TFDP2: variants seen among roughly 807,000 people sequenced by gnomAD.
The protein encoded by TFDP2 is transcription factor Dp-2.
TFDP2 carries 17 observed loss-of-function variants against 59.3 expected under a neutral mutation model. The observed-to-expected ratio is 0.29, with a 90% confidence interval of 0.20 to 0.43. The LOEUF is 0.43. Among genes scored for constraint, TFDP2 ranks in the 20% least tolerant of loss-of-function variants. The pLI is 1.00. For missense variants in TFDP2, 391 were observed against 528.8 expected, an observed-to-expected ratio of 0.74 and a Z score of 2.56; for synonymous variants, 180 against 194.7, an observed-to-expected ratio of 0.92 and a Z score of 0.63.
intron 3 of TFDP2, among the ~76,000 whole-genome samples, chr3:142,062,295 A>G (rs2059941962): frequency 6.6e-6 from 1 of 151,618 alleles, no homozygotes; most frequent in Non-Finnish European, 1.5e-5. Flanking sequence ...CAGTAGTTAA[A>G]ATTATACACA....
chr3:141,966,676 T>C (rs976673046), intron 9 of TFDP2, among the ~76,000 whole-genome samples: 3 of 151,738 alleles, frequency 2.0e-5, no homozygotes, highest in Non-Finnish European at 4.4e-5. Flanking sequence ...TTCATTTTCC[T>C]ATGCGTTTAT....
rs1036102654 is a variant in TFDP2, at chr3:142,149,248, C to G, written c.-158G>C. On this transcript the variant is annotated 5_prime_UTR_variant, in exon 1 of 13. Coordinates refer to ENST00000489671, the MANE Select transcript of TFDP2 (RefSeq NM_001178139.2). ...TCGGGCCGAGCCAGGAGCGCGTCTTCGGGCGCCGCCGCTTCTGTGGCGCCC... is the reference window on the plus strand; with the variant it reads ...TCGGGCCGAGCCAGGAGCGCGTCTTGGGGCGCCGCCGCTTCTGTGGCGCCC... The G allele has an allele frequency of 5.0e-5, 20 of 397,312 alleles. No individual in the cohort carries two copies. Among genetic ancestry groups the G allele is most frequent in the Middle Eastern group, 6.3e-4 (1 of 1,584 alleles). The allele number at this position is 397,312 out of a possible 1,614,324, so 24.6% of individuals were successfully genotyped here.
At chr3:142,112,358 A>T (rs2061693110) in intron 1 of TFDP2, among the ~76,000 whole-genome samples, 1 of 152,162 alleles carries the variant, frequency 6.6e-6, no homozygotes, top group Admixed American at 6.5e-5. Flanking sequence ...AAATAAGAAA[A>T]ACAAAAAAAA....
At chr3:142,026,122 G>A (rs1254277918) in intron 3 of TFDP2, among the ~76,000 whole-genome samples, 5 of 152,128 alleles carry the variant, frequency 3.3e-5, no homozygotes, top group African/African-American at 9.7e-5. Context: ...CCATCAGGCC[G>A]AGGTGGGCAG....
intron 1 of TFDP2, among the ~76,000 whole-genome samples, chr3:142,138,217 G>A (rs948718897): frequency 3.9e-5 from 6 of 152,144 alleles, no homozygotes; most frequent in African/African-American, 1.2e-4. Context: ...GATTGGTGGT[G>A]ATATCCCCTT....
intron 3 of TFDP2, among the ~76,000 whole-genome samples, chr3:142,010,463 G>C (rs1265621699): frequency 1.3e-5 from 2 of 152,052 alleles, no homozygotes; most frequent in African/African-American, 2.4e-5. Flanking sequence ...ACAAAAATCA[G>C]CTGGGCATGG....
intron 1 of TFDP2, among the ~76,000 whole-genome samples, chr3:142,107,149 G>A (rs540396615): frequency 1.3e-5 from 2 of 152,076 alleles, no homozygotes; most frequent in East Asian, 3.9e-4. Context: ...ATAACTTATT[G>A]GCATAAATCC....
At chr3:142,083,374 G>A (rs1192409095) in intron 3 of TFDP2, among the ~76,000 whole-genome samples, 1 of 152,040 alleles carries the variant, frequency 6.6e-6, no homozygotes, top group African/African-American at 2.4e-5. Flanking sequence ...AAAATGGAAA[G>A]GTATTCCATA....
chr3:142,034,638 T>C (rs1421007691), intron 3 of TFDP2, among the ~76,000 whole-genome samples: 2 of 152,012 alleles, frequency 1.3e-5, no homozygotes, highest in Non-Finnish European at 2.9e-5. Flanking sequence ...GTGCTTATGC[T>C]CCATAGCCTT....
At chr3:141,979,275 A>G (rs1941169790) in intron 6 of TFDP2, among the ~76,000 whole-genome samples, 1 of 152,230 alleles carries the variant, frequency 6.6e-6, no homozygotes, top group South Asian at 2.1e-4. Flanking sequence ...ATAAAAGTCT[A>G]GCACATGCAA....
chr3:141,982,884 A>G (rs1039093839), intron 6 of TFDP2, among the ~76,000 whole-genome samples: 4 of 152,242 alleles, frequency 2.6e-5, no homozygotes, highest in African/African-American at 9.6e-5. Context: ...TTAGTAAACT[A>G]TCAGATACAT....
At position 141,952,383 on chromosome 3, in the gene TFDP2, G is replaced by T; in HGVS notation, c.*130C>A. The T allele has an allele frequency of 1.2e-6, 1 of 822,642 alleles. No individual in the cohort carries two copies. Among genetic ancestry groups the T allele is most frequent in the South Asian group, 2.3e-5 (1 of 43,734 alleles). The allele number at this position is 822,642 out of a possible 1,614,324, so 51.0% of individuals were successfully genotyped here. A position where few individuals can be genotyped will look rare whatever the true frequency, so the allele number is the denominator to read the frequency against. Reference sequence around the variant, plus strand: ...AGCCTTCATGTGATTTGCTTATTGTGTTTCTCTAGTTTTCACTGAACACAC... The same window carrying T: ...AGCCTTCATGTGATTTGCTTATTGTTTTTCTCTAGTTTTCACTGAACACAC... On this transcript the variant is annotated 3_prime_UTR_variant, in exon 13 of 13. Transcript: ENST00000489671.
rs1007637377 is a variant in TFDP2 at position 141,963,741 on chromosome 3, T to C, written c.884+71A>G. 12 of 1,519,446 alleles carry C rather than the reference T, an allele frequency of 7.9e-6. No individual in the cohort carries two copies. In the East Asian group the frequency reaches 2.8e-4, roughly 35 times the overall value. 94.1% of individuals were successfully genotyped at this position (1,519,446 alleles called of 1,614,324 possible). A position where few individuals can be genotyped will look rare whatever the true frequency, so the allele number is the denominator to read the frequency against. ...GTGCAACTAATAAAGTGCATCCTTC[T>C]TGAGTTTGCAAATGATATGAAAATG... On this transcript the variant is annotated intron_variant, in intron 10 of 12. Transcript: ENST00000489671.
rs1940693996 is a variant in TFDP2, at chr3:141,976,726, GGCTTGC to G, written c.519+1788_519+1793del. Among the ~76,000 whole-genome samples, 3 of 152,034 alleles carry G rather than the reference GGCTTGC, an allele frequency of 2.0e-5. No individual in the cohort carries two copies. The South Asian group carries it at 6.2e-4, about 32-fold the overall frequency. ...GTAATGGTGGGCAAGCTCACAAAGGGGCTTGCAGATCATTGTGAGAACCATGGCTTT... is the reference window on the plus strand; with the variant it reads ...GTAATGGTGGGCAAGCTCACAAAGGGAGATCATTGTGAGAACCATGGCTTT... On this transcript the variant is annotated intron_variant, in intron 7 of 12. Transcript: ENST00000489671.
intron 1 of TFDP2, among the ~76,000 whole-genome samples, chr3:142,118,604 TATTAA>T (rs1249602043): frequency 6.6e-6 from 1 of 152,120 alleles, no homozygotes; most frequent in Non-Finnish European, 1.5e-5. Flanking sequence ...AAAGTTAAAT[TATTAA>T]ATTATTTTTT....
chr3:142,147,189 T>G (rs565436423), intron 1 of TFDP2, among the ~76,000 whole-genome samples: 23 of 152,292 alleles, frequency 1.5e-4, no homozygotes, highest in Non-Finnish European at 3.1e-4. Flanking sequence ...CAAGCCTACT[T>G]TCATATCTAT....
At chr3:141,987,513 G>C (rs1456117562) in intron 6 of TFDP2, among the ~76,000 whole-genome samples, 1 of 148,128 alleles carries the variant, frequency 6.8e-6, no homozygotes, top group East Asian at 2.1e-4. Context: ...GAACTCCTGA[G>C]CTCAGGCGAT....
chr3:142,066,480 C>T (rs2060077972), intron 3 of TFDP2, among the ~76,000 whole-genome samples: 1 of 152,184 alleles, frequency 6.6e-6, no homozygotes. Context: ...TCATCTACCA[C>T]AAAGCCTATT....
chr3:142,134,780 G>A (rs907676816), intron 1 of TFDP2, among the ~76,000 whole-genome samples: 6 of 151,880 alleles, frequency 4.0e-5, no homozygotes, highest in African/African-American at 1.4e-4. Flanking sequence ...GACAAACCTA[G>A]ATACATAGTC....
Sources: allele counts gnomAD v4.1 joint callset (sites outside exome capture counted in the v4.1 genomes callset), GRCh38; gene constraint gnomAD v4.1.1; transcripts MANE v1.5; gene names NCBI Gene and HGNC (gene_info 2026-07-23, HGNC 2026-07-21).